The following KTN1 variants were observed in gnomAD, a reference collection of about 807,000 sequenced individuals.
The protein encoded by KTN1 is kinectin 1.
In KTN1, 130 loss-of-function variants were observed where a neutral mutation model predicts 222.5. The ratio of observed to expected loss-of-function variants is 0.58; its 90% CI spans 0.51 to 0.68. KTN1 has a LOEUF of 0.68. Among genes scored for constraint, KTN1 ranks in the 30% least tolerant of loss-of-function variants. The pLI, the probability that KTN1 is intolerant of heterozygous loss-of-function variation, is 0.00. For missense variants in KTN1, 1,508 were observed against 1,500.4 expected, an observed-to-expected ratio of 1.01 and a Z score of -0.08; for synonymous variants, 512 against 496.3, an observed-to-expected ratio of 1.03 and a Z score of -0.42.
chr14:55,640,086 T>C, intron 14 of KTN1, 83 bp downstream of exon 14: 1 of 844,732 alleles, frequency 1.2e-6, no homozygotes, highest in Non-Finnish European at 1.9e-6. Flanking sequence ...AGTAAGTGTA[T>C]ATGAAAAATG....
At chr14:55,663,633 C>T (rs1483318053) in intron 32 of KTN1, 1 of 224,780 alleles carries the variant, frequency 4.4e-6, no homozygotes, top group Non-Finnish European at 8.7e-6. Context: ...TTCTAATGTT[C>T]AATGTACCTG....
Position 55,675,924 on chromosome 14 carries a change from C to A in KTN1, c.3855+6C>A, listed in dbSNP as rs2045854284. 1.3e-6 allele frequency: 2 copies of A among 1,599,852 alleles called. No individual in the cohort carries two copies. The highest frequency in any genetic ancestry group is 1.7e-6 in the Non-Finnish European group (2 of 1,167,650). ...TAGCTGGTGATTTGCATAAGGTAGG[C>A]ACTGTTCGTCCTAGAGATGTAGTAT... On this transcript the variant is annotated splice_donor_region_variant and intron_variant, in intron 41 of 43. Transcript: ENST00000395314.
chr14:55,599,311 T>C (rs2035584598), intron 1 of KTN1, among the ~76,000 whole-genome samples: 1 of 152,172 alleles, frequency 6.6e-6, no homozygotes, highest in Non-Finnish European at 1.5e-5. Flanking sequence ...GCTACTCTTG[T>C]TTATTTTGAC....
Position 55,633,207 on chromosome 14 carries a change from A to G in KTN1, c.1222-28A>G, listed in dbSNP as rs184776047. 1.4e-4 allele frequency: 188 copies of G among 1,337,120 alleles called. 1 individual carries two copies. The Admixed American group carries it at 4.0e-3, about 29-fold the overall frequency. 82.8% of individuals were successfully genotyped at this position (1,337,120 alleles called of 1,614,324 possible). ...TTAGCTTTGACAGTCTTTGTTTTCT[A>G]AGTTTTATGTGTGTAAAATAATTTT... On this transcript the variant is annotated intron_variant, in intron 7 of 43. Transcript: ENST00000395314.
At chr14:55,660,961 A>G (rs752731589) in intron 31 of KTN1, among the ~76,000 whole-genome samples, 3 of 152,208 alleles carry the variant, frequency 2.0e-5, no homozygotes, top group Non-Finnish European at 2.9e-5. Context: ...ACTCTCAACT[A>G]TAACAGAATC....
intron 1 of KTN1, among the ~76,000 whole-genome samples, chr14:55,603,836 G>A (rs1018633795): frequency 6.6e-6 from 1 of 152,094 alleles, no homozygotes; most frequent in Non-Finnish European, 1.5e-5. Flanking sequence ...TCAGTAAAGG[G>A]CAGCTCCTTT....
chr14:55,604,406 T>C (rs2140499586), intron 1 of KTN1, among the ~76,000 whole-genome samples: 1 of 152,300 alleles, frequency 6.6e-6, no homozygotes, highest in East Asian at 1.9e-4. Context: ...CTGATCATTC[T>C]ACTCTAAATT....
rs771504684 is a variant in KTN1 at position 55,618,150 on chromosome 14, T to A, written c.832+16T>A. On this transcript the variant is annotated intron_variant, in intron 4 of 43. Coordinates refer to ENST00000395314, the MANE Select transcript of KTN1 (RefSeq NM_001079521.2). ...ACTGACAAAGGTAATATATGGGATT[T>A]ATAGTCTTTGTTGTACTATAAAAAC... The A allele has an allele frequency of 1.9e-6, 3 of 1,593,020 alleles. No individual in the cohort carries two copies. The highest frequency in any genetic ancestry group is 2.2e-5 in the South Asian group (2 of 89,032).
intron 5 of KTN1, among the ~76,000 whole-genome samples, chr14:55,622,604 C>G (rs1566733179): frequency 1.3e-5 from 2 of 152,138 alleles, no homozygotes; most frequent in Admixed American, 6.5e-5. Context: ...CACACACATG[C>G]ACACCTTTCC....
chr14:55,681,626 C>T (rs1279125680), intron 43 of KTN1: 1 of 152,118 alleles, frequency 6.6e-6, no homozygotes, highest in Non-Finnish European at 1.5e-5. Context: ...CAGGCAGCTC[C>T]CCTCCTAACT....
intron 1 of KTN1, among the ~76,000 whole-genome samples, chr14:55,600,006 A>C (rs1301067020): frequency 6.6e-6 from 1 of 151,974 alleles, no homozygotes; most frequent in East Asian, 1.9e-4. Flanking sequence ...ACAAGAATTA[A>C]AAATTCTTAT....
At chr14:55,595,614 A>C (rs1419228842) in intron 1 of KTN1, among the ~76,000 whole-genome samples, 1 of 152,238 alleles carries the variant, frequency 6.6e-6, no homozygotes, top group Non-Finnish European at 1.5e-5. Flanking sequence ...TTTTTGGTAC[A>C]TTGTTAAGAT....
rs17128659 is a variant in KTN1 at position 55,658,649 on chromosome 14, G to A, written c.2961+35G>A. On this transcript the variant is annotated intron_variant, in intron 30 of 43. Coordinates refer to ENST00000395314, the MANE Select transcript of KTN1 (RefSeq NM_001079521.2). Reference sequence around the variant, plus strand: ...ATTAGATGTCTTGCCTTTCACTTACGTGGCAAAAAAATTATATAACCAGTG... The same window carrying A: ...ATTAGATGTCTTGCCTTTCACTTACATGGCAAAAAAATTATATAACCAGTG... 5,606 of 1,343,368 alleles carry A rather than the reference G, an allele frequency of 4.2e-3. 185 individuals are homozygous for A. In the African/African-American group the frequency reaches 0.072, roughly 17 times the overall value. 83.2% of individuals were successfully genotyped at this position (1,343,368 alleles called of 1,614,324 possible). A position where few individuals can be genotyped will look rare whatever the true frequency, so the allele number is the denominator to read the frequency against.
chr14:55,681,933 A>T (rs775261201), intron 43 of KTN1: 16 of 151,916 alleles, frequency 1.1e-4, no homozygotes, highest in Non-Finnish European at 2.4e-4. Flanking sequence ...CCTCCTGTAT[A>T]CTCTATTTAA....
At chr14:55,645,580 G>C (rs1006717126) in intron 18 of KTN1, among the ~76,000 whole-genome samples, 2 of 152,086 alleles carry the variant, frequency 1.3e-5, no homozygotes, top group Non-Finnish European at 2.9e-5. Flanking sequence ...ATGGACAAAA[G>C]CCATCTTCAT....
intron 41 of KTN1, among the ~76,000 whole-genome samples, chr14:55,677,991 C>T (rs1327655836): frequency 1.3e-5 from 2 of 152,218 alleles, no homozygotes; most frequent in Non-Finnish European, 2.9e-5. Flanking sequence ...AGCCACCGCG[C>T]CCAGCAACAT....
chr14:55,667,246 G>T lies in KTN1; in HGVS notation c.3183G>T (p.Arg1061Ser). The change falls in exon 34 of 44, where the codon AGG (arginine) becomes AGT (serine). Residue 1061 changes from arginine (R) to serine (S), a missense_variant. By Grantham distance (110) the Arg-to-Ser change is moderately radical. Transcript: ENST00000395314. ...QDKVNKTSKE[R>S]QQQVEAVELE... ...TGGCTCATCTTCTGCTTTAGGAAAG[G>T]CAGCAACAGGTGGAAGCTGTTGAGT... 1 of 1,592,704 alleles carries T rather than the reference G, an allele frequency of 6.3e-7. No individual in the cohort carries two copies.
intron 1 of KTN1, among the ~76,000 whole-genome samples, chr14:55,585,706 T>C (rs2032845510): frequency 6.6e-6 from 1 of 152,182 alleles, no homozygotes; most frequent in Admixed American, 6.5e-5. Context: ...GATAGATATA[T>C]AGAAATAAGT....
chr14:55,583,700 T>C (rs1317175380), intron 1 of KTN1, among the ~76,000 whole-genome samples: 3 of 152,234 alleles, frequency 2.0e-5, no homozygotes, highest in Non-Finnish European at 4.4e-5. Context: ...GTCATGGTTT[T>C]AAATACCTAT....
Sources: gnomAD v4.1 joint callset for allele counts (sites outside exome capture counted in the v4.1 genomes callset) on GRCh38, gnomAD v4.1.1 for gene constraint, MANE v1.5 for transcripts, NCBI Gene and HGNC (gene_info 2026-07-23, HGNC 2026-07-21) for gene names.